Variants in TRAPPC9 observed in about 807,000 individuals in gnomAD.
The protein encoded by TRAPPC9 is IKK2 binding protein.
A neutral mutation model predicts 124.0 loss-of-function variants in TRAPPC9; 83 were observed. The observed-to-expected ratio is 0.67, with a 90% confidence interval of 0.56 to 0.80. The LOEUF is 0.80. Among genes scored for constraint, TRAPPC9 ranks in the 30% least tolerant of loss-of-function variants. The pLI, the probability that TRAPPC9 is intolerant of heterozygous loss-of-function variation, is 0.00. For missense variants in TRAPPC9, 1,302 were observed against 1,508.3 expected (o/e 0.86, Z 2.27); for synonymous variants, 638 against 617.5 (o/e 1.03, Z -0.49).
At chr8:140,262,317 CA>C (rs2064445862) in intron 15 of TRAPPC9, among the ~76,000 whole-genome samples, 1 of 151,814 alleles carries the variant, frequency 6.6e-6, no homozygotes, top group African/African-American at 2.4e-5. Context: ...GCAGGCCAGA[CA>C]CCTTCATCCC....
In TRAPPC9 at chr8:139,833,171, T is replaced by C. The variant is rs1271458953; in HGVS notation, c.3055+52708A>G. Among the ~76,000 whole-genome samples, 4 of 152,140 alleles carry C rather than the reference T, an allele frequency of 2.6e-5. No homozygotes were observed. In the East Asian group the frequency reaches 5.8e-4, roughly 22 times the overall value. On this transcript the variant is annotated intron_variant, in intron 21 of 22. Transcript: ENST00000438773. ...CCAACAATAAGAACAAGCTTAGAAG[T>C]AGATTTTTCTCCATTCCCTGATGAG... is the stretch of plus-strand genomic sequence containing the variant.
intron 17 of TRAPPC9, among the ~76,000 whole-genome samples, chr8:140,112,894 G>A (rs541623857): frequency 7.0e-6 from 1 of 143,400 alleles, no homozygotes; most frequent in African/African-American, 2.6e-5. Context: ...AGTCTGAAGT[G>A]CAGTGGCGCA....
intron 19 of TRAPPC9, among the ~76,000 whole-genome samples, chr8:139,954,094 C>T (rs748204947): frequency 3.4e-4 from 51 of 152,200 alleles, no homozygotes; most frequent in African/African-American, 1.0e-3. Flanking sequence ...TTATCTGCAG[C>T]GACAGGGAGT....
At chr8:140,024,137 T>A in intron 17 of TRAPPC9, 58 bp from the exon 18 acceptor site, 1 of 1,599,368 alleles carries the variant, frequency 6.3e-7, no homozygotes, top group Non-Finnish European at 8.5e-7. Context: ...TCTAGTTTGA[T>A]CCACCAGGAG....
chr8:140,297,713 C>G (rs777529537), intron 11 of TRAPPC9, among the ~76,000 whole-genome samples: 8 of 152,232 alleles, frequency 5.3e-5, no homozygotes, highest in Non-Finnish European at 1.0e-4. Context: ...CCCAGTTAGC[C>G]CAGTGTTTAT....
At chr8:140,112,841 CTT>C (rs34920600) in intron 17 of TRAPPC9, among the ~76,000 whole-genome samples, 66,215 of 128,874 alleles carry the variant, frequency 0.51, 16,203 homozygotes, top group East Asian at 0.79. Context: ...TTTTAATTTC[CTT>C]TTTTTTTTTT....
chr8:140,028,955 A>G (rs1840327070), intron 17 of TRAPPC9, among the ~76,000 whole-genome samples: 1 of 152,258 alleles, frequency 6.6e-6, no homozygotes, highest in East Asian at 1.9e-4. Context: ...TCTTGAAAAT[A>G]TCAATAAATG....
At chr8:140,072,562 GA>G in intron 17 of TRAPPC9, among the ~76,000 whole-genome samples, 1 of 35,594 alleles carries the variant, frequency 2.8e-5, no homozygotes, top group Non-Finnish European at 6.6e-5. Context: ...GGAGGAGGAG[GA>G]GGAGAAAGGA....
intron 20 of TRAPPC9, among the ~76,000 whole-genome samples, chr8:139,899,862 A>G (rs1159318478): frequency 6.6e-6 from 1 of 152,180 alleles, no homozygotes; most frequent in Non-Finnish European, 1.5e-5. Flanking sequence ...GGAGGCTGGG[A>G]GAGAAAGCAG....
In TRAPPC9 at chr8:140,451,153, T is replaced by C. The variant is rs148820416; in HGVS notation, c.221A>G (p.His74Arg). 4.3e-6 allele frequency: 7 copies of C among 1,613,796 alleles called. No individual in the cohort carries two copies. The African/African-American group carries it at 5.3e-5, about 12-fold the overall frequency. The change falls in exon 2 of 23, where the codon CAC becomes CGC. Residue 74 changes from histidine to arginine, a missense_variant. His to Arg is a conservative substitution (Grantham distance 29, BLOSUM62 0). This residue lies in a region of TRAPPC9 where 657 missense variants were observed against 811.2 expected (regional missense o/e 0.81). Coordinates refer to ENST00000438773, the MANE Select transcript of TRAPPC9 (RefSeq NM_001160372.4). ...ENNEWGDFQT[H>R]RKVVGLITIT... is the part of the protein sequence containing the mutation. ...GGTGATGAGGCCCACGACTTTGCGGTGGGTCTGGAAGTCACCCCACTCGTT... is the reference window on the plus strand; with the variant it reads ...GGTGATGAGGCCCACGACTTTGCGGCGGGTCTGGAAGTCACCCCACTCGTT...
intron 17 of TRAPPC9, among the ~76,000 whole-genome samples, chr8:140,085,446 C>T (rs1172315126): frequency 6.6e-6 from 1 of 151,842 alleles, no homozygotes; most frequent in Non-Finnish European, 1.5e-5. Context: ...TAAATATAAA[C>T]CATCCTTTCT....
intron 19 of TRAPPC9, among the ~76,000 whole-genome samples, chr8:139,921,093 T>C (rs1302543042): frequency 6.6e-6 from 1 of 152,190 alleles, no homozygotes; most frequent in Non-Finnish European, 1.5e-5. Context: ...GTAATTTGGA[T>C]CTTGCAGCAC....
intron 18 of TRAPPC9, among the ~76,000 whole-genome samples, chr8:140,010,075 C>T (rs1453142374): frequency 2.0e-5 from 3 of 152,168 alleles, no homozygotes; most frequent in Non-Finnish European, 4.4e-5. Context: ...TTACTTATGA[C>T]TTTTTGTAAG....
chr8:140,393,986 C>T (rs1422210865), intron 7 of TRAPPC9, among the ~76,000 whole-genome samples: 2 of 152,190 alleles, frequency 1.3e-5, no homozygotes, highest in African/African-American at 4.8e-5. Flanking sequence ...AGCGCTGTTC[C>T]CCTTTCGCCG....
chr8:140,357,150 G>T (rs542758149), intron 9 of TRAPPC9, among the ~76,000 whole-genome samples: 1 of 152,290 alleles, frequency 6.6e-6, no homozygotes, highest in East Asian at 1.9e-4. Context: ...AGTGCAGGAA[G>T]AAAGAGAGCA....
At chr8:140,058,130 G>A (rs1842397948) in intron 17 of TRAPPC9, among the ~76,000 whole-genome samples, 1 of 152,158 alleles carries the variant, frequency 6.6e-6, no homozygotes, top group African/African-American at 2.4e-5. Flanking sequence ...AAATTCCTGG[G>A]TCAGCCCTTG....
chr8:139,893,919 C>A (rs985731810), intron 20 of TRAPPC9, among the ~76,000 whole-genome samples: 2 of 152,250 alleles, frequency 1.3e-5, no homozygotes, highest in African/African-American at 4.8e-5. Flanking sequence ...GCTCACAGAG[C>A]GGAACTCCTC....
At chr8:140,364,518 C>T (rs2068051814) in intron 8 of TRAPPC9, among the ~76,000 whole-genome samples, 1 of 152,158 alleles carries the variant, frequency 6.6e-6, no homozygotes, top group African/African-American at 2.4e-5. Flanking sequence ...CCTAAATGAG[C>T]TTAGACACCC....
chr8:140,357,860 A>C (rs1170845246), intron 9 of TRAPPC9, among the ~76,000 whole-genome samples: 1 of 152,140 alleles, frequency 6.6e-6, no homozygotes, highest in African/African-American at 2.4e-5. Context: ...CACAGTTCAA[A>C]TGCAGCCCCA....
Sources: gnomAD v4.1 joint callset for allele counts (sites outside exome capture counted in the v4.1 genomes callset) on GRCh38, gnomAD v4.1.1 for gene constraint, gnomAD v4.1.1 regional missense constraint, MANE v1.5 for transcripts, NCBI Gene and HGNC (gene_info 2026-07-23, HGNC 2026-07-21) for gene names.